The following CFAP20DC variants were observed in gnomAD, a reference collection of about 807,000 sequenced individuals.
CFAP20DC encodes protein CFAP20DC.
In CFAP20DC, 84 loss-of-function variants were observed where a neutral mutation model predicts 101.7. That is an observed-to-expected ratio of 0.83 (90% CI 0.69 to 0.99). The LOEUF (loss-of-function observed/expected upper bound fraction) is 0.99, where lower values mean the gene tolerates loss of function less well. Among genes scored for constraint, CFAP20DC ranks in the 50% least tolerant of loss-of-function variants. CFAP20DC has a pLI of 0.00. For synonymous variants in CFAP20DC, 359 were observed against 351.2 expected (o/e 1.02, Z -0.25); for missense variants, 1,007 against 970.3 (o/e 1.04, Z -0.50).
intron 15 of CFAP20DC, among the ~76,000 whole-genome samples, chr3:58,804,521 C>T (rs780166570): frequency 1.1e-4 from 16 of 152,070 alleles, no homozygotes; most frequent in Non-Finnish European, 2.1e-4. Flanking sequence ...TGCCACCACA[C>T]CCTGCTAATT....
At chr3:59,043,982 G>C (rs1171437326) in intron 3 of CFAP20DC, among the ~76,000 whole-genome samples, 3 of 152,156 alleles carry the variant, frequency 2.0e-5, no homozygotes, top group Non-Finnish European at 2.9e-5. Flanking sequence ...CCCTGCCCTA[G>C]AGAAGTGCAC....
intron 4 of CFAP20DC, among the ~76,000 whole-genome samples, chr3:59,033,469 T>C (rs1239256704): frequency 2.0e-5 from 3 of 152,108 alleles, no homozygotes; most frequent in Non-Finnish European, 4.4e-5. Context: ...GTTGGAGGAA[T>C]TGCTAACTAG....
intron 4 of CFAP20DC, among the ~76,000 whole-genome samples, chr3:59,034,393 G>C (rs2094055430): frequency 6.6e-6 from 1 of 152,176 alleles, no homozygotes; most frequent in Non-Finnish European, 1.5e-5. Flanking sequence ...TTAAGACACA[G>C]TCTGGCAAAT....
intron 5 of CFAP20DC, among the ~76,000 whole-genome samples, chr3:58,936,720 A>T (rs2087697042): frequency 6.6e-6 from 1 of 152,200 alleles, no homozygotes; most frequent in Admixed American, 6.5e-5. Context: ...TGGGAATTGA[A>T]CAATGAGAAC....
rs1259948604 is a variant in CFAP20DC at position 58,722,913 on chromosome 3, C to G, written c.198-5285G>C. On this transcript the variant is annotated intron_variant, in intron 3 of 3. Transcript: ENST00000486145. The surrounding 1 kb of genome is among the most constrained non-coding windows in gnomAD (Gnocchi z 4.5). The stretch of plus-strand genomic sequence containing the variant: ...TCAAATTCACCTTTCAAATCTTTAC[C>G]TTGTCAATTTTGGTAACATGCAGCT... 6.6e-6 allele frequency among the ~76,000 whole-genome samples: 1 copy of G among 152,172 alleles called. No individual in the cohort carries two copies. The highest frequency in any genetic ancestry group is 6.5e-5 in the Admixed American group (1 of 15,280).
At chr3:58,760,284 CT>C (rs2069424209) in intron 15 of CFAP20DC, among the ~76,000 whole-genome samples, 2 of 152,164 alleles carry the variant, frequency 1.3e-5, no homozygotes, top group Admixed American at 6.5e-5. Flanking sequence ...GTATTTTCTT[CT>C]CTTTGAAGCA....
intron 6 of CFAP20DC, among the ~76,000 whole-genome samples, chr3:58,903,536 T>A (rs1277965102): frequency 1.3e-5 from 2 of 152,176 alleles, no homozygotes; most frequent in Non-Finnish European, 2.9e-5. Context: ...GACTCACAGT[T>A]CTGCATGGCT....
At chr3:58,798,522 T>C (rs2073424109) in intron 15 of CFAP20DC, among the ~76,000 whole-genome samples, 1 of 152,238 alleles carries the variant, frequency 6.6e-6, no homozygotes, top group South Asian at 2.1e-4. Flanking sequence ...GTGAAGATGA[T>C]GTAAACACTA....
In CFAP20DC at chr3:59,047,180, T is replaced by C; in HGVS notation, c.96A>G (p.Pro32=). 6 of 1,534,066 alleles carry C rather than the reference T, an allele frequency of 3.9e-6. No homozygotes were observed. The highest frequency in any genetic ancestry group is 5.2e-6 in the Non-Finnish European group (6 of 1,145,218). Reference sequence around the variant, plus strand: ...TAATACTTACTTTCCAAATCACAGATGGACTACCAAGGATCTTCCATTTTG... The same window carrying C: ...TAATACTTACTTTCCAAATCACAGACGGACTACCAAGGATCTTCCATTTTG... ...PGAKWKILGS[P]SVIWKEFDKE... is the part of the protein sequence containing the mutation. The change falls in exon 2 of 17, where the codon CCA becomes CCG. Residue 32 remains proline (P), a synonymous_variant. Coordinates refer to ENST00000482387, the MANE Select transcript of CFAP20DC (RefSeq NM_001394063.1).
chr3:58,939,300 T>C (rs1049984172), intron 4 of CFAP20DC, among the ~76,000 whole-genome samples: 40 of 152,188 alleles, frequency 2.6e-4, no homozygotes, highest in African/African-American at 7.7e-4. Flanking sequence ...GTCTCTTCTG[T>C]AAGTTCTCAT....
chr3:58,845,433 G>A (rs1355904255), intron 13 of CFAP20DC, among the ~76,000 whole-genome samples: 11 of 151,564 alleles, frequency 7.3e-5, no homozygotes, highest in Non-Finnish European at 1.2e-4. Context: ...TAAATTCCTG[G>A]ACACATACAC....
chr3:58,933,871 C>A (rs1029606460), intron 5 of CFAP20DC, among the ~76,000 whole-genome samples: 29 of 151,570 alleles, frequency 1.9e-4, no homozygotes, highest in Non-Finnish European at 3.7e-4. Flanking sequence ...ACTAGAAAAG[C>A]AAGAGCAAAC....
intron 6 of CFAP20DC, among the ~76,000 whole-genome samples, chr3:58,904,395 C>T (rs1447846897): frequency 6.6e-6 from 1 of 152,004 alleles, no homozygotes; most frequent in African/African-American, 2.4e-5. Flanking sequence ...GGTGGTTCTA[C>T]TATTGGCTGC....
rs2093295377 is a variant in CFAP20DC, at chr3:59,001,053, G to T, written c.278+38504C>A. Among the ~76,000 whole-genome samples, 1 of 152,006 alleles carries T rather than the reference G, an allele frequency of 6.6e-6. No individual in the cohort carries two copies. Among genetic ancestry groups the T allele is most frequent in the Non-Finnish European group, 1.5e-5 (1 of 67,986 alleles). The stretch of plus-strand genomic sequence containing the variant: ...CCAAGAAGCTTAAAAAAAATTAAAT[G>T]TTACTAAAATAGGGTGCATATTGGA... On this transcript the variant is annotated intron_variant, in intron 4 of 16. Coordinates refer to ENST00000482387, the MANE Select transcript of CFAP20DC (RefSeq NM_001394063.1). This position sits in a 1 kb window ranked among gnomAD's most constrained non-coding sequence, Gnocchi z 4.5.
intron 4 of CFAP20DC, among the ~76,000 whole-genome samples, chr3:58,984,655 TC>T: frequency 6.6e-6 from 1 of 151,770 alleles, no homozygotes; most frequent in East Asian, 1.9e-4. Flanking sequence ...ATAAGGAGAG[TC>T]CCATGGAAAA....
Position 59,007,643 on chromosome 3 carries a change from G to A in CFAP20DC, c.278+31914C>T, listed in dbSNP as rs114508052. Among the ~76,000 whole-genome samples the A allele has an allele frequency of 2.0e-5, 3 of 152,184 alleles. No homozygotes were observed. The highest frequency in any genetic ancestry group is 7.2e-5 in the African/African-American group (3 of 41,446). On this transcript the variant is annotated intron_variant, in intron 4 of 16. Coordinates refer to ENST00000482387, the MANE Select transcript of CFAP20DC (RefSeq NM_001394063.1). The surrounding 1 kb of genome is among the most constrained non-coding windows in gnomAD (Gnocchi z 4.4). ...TGCCGTGCTACCTCCACCAGAGCAG[G>A]TGCTGGTATCATGGCTGGGAGACCT...
intron 4 of CFAP20DC, chr3:58,970,745 C>T (rs1367422917): frequency 6.6e-6 from 1 of 152,034 alleles, no homozygotes; most frequent in Admixed American, 6.6e-5. Context: ...AACATCTGTC[C>T]TTCCATTGTA....
intron 16 of CFAP20DC, among the ~76,000 whole-genome samples, chr3:58,745,720 C>G (rs2068146653): frequency 6.6e-6 from 1 of 152,050 alleles, no homozygotes. Context: ...CTTAGTAACT[C>G]AGGATGGAAG....
intron 4 of CFAP20DC, among the ~76,000 whole-genome samples, chr3:58,949,588 G>A (rs1360401797): frequency 1.3e-5 from 2 of 151,954 alleles, no homozygotes; most frequent in East Asian, 1.9e-4. Flanking sequence ...ATGTAGTTGA[G>A]GTTTTGAGTG....
Sources: allele counts gnomAD v4.1 joint callset (sites outside exome capture counted in the v4.1 genomes callset), GRCh38; gene constraint gnomAD v4.1.1; non-coding constraint Gnocchi (gnomAD v3.1); transcripts MANE v1.5; gene names NCBI Gene and HGNC (gene_info 2026-07-23, HGNC 2026-07-21).